SIAH1: variants seen among roughly 807,000 people sequenced by gnomAD.
SIAH1 encodes the protein E3 ubiquitin-protein ligase SIAH1.
In SIAH1, 2 loss-of-function variants were observed where a neutral mutation model predicts 20.0. The ratio of observed to expected loss-of-function variants is 0.10; its 90% CI spans 0.04 to 0.31. The LOEUF (loss-of-function observed/expected upper bound fraction) is 0.31. Among genes scored for constraint, SIAH1 ranks in the 10% least tolerant of loss-of-function variants. SIAH1 has a pLI of 1.00. For synonymous variants in SIAH1, 118 were observed against 125.3 expected (o/e 0.94, Z 0.39); for missense variants, 119 against 355.3 (o/e 0.33, Z 5.35).
chr16:48,368,240 G>T (rs1960891414), intron 1 of SIAH1, among the ~76,000 whole-genome samples: 1 of 152,174 alleles, frequency 6.6e-6, no homozygotes, highest in Non-Finnish European at 1.5e-5. Flanking sequence ...TCAGACCAAT[G>T]AATCAGTTAC....
chr16:48,384,037 G>A (rs915882678), intron 1 of SIAH1, among the ~76,000 whole-genome samples: 1 of 152,200 alleles, frequency 6.6e-6, no homozygotes, highest in African/African-American at 2.4e-5. Flanking sequence ...TAAGGAAAGC[G>A]AAGCACAGAG....
intron 1 of SIAH1, among the ~76,000 whole-genome samples, chr16:48,374,751 A>G (rs1567374074): frequency 6.6e-6 from 1 of 152,182 alleles, no homozygotes; most frequent in Non-Finnish European, 1.5e-5. Flanking sequence ...AAAAGATATT[A>G]CCTACAAAAA....
At chr16:48,364,169 T>A (rs1031640564) in intron 1 of SIAH1, among the ~76,000 whole-genome samples, 1 of 151,984 alleles carries the variant, frequency 6.6e-6, no homozygotes, top group African/African-American at 2.4e-5. Context: ...CTCGAACTCC[T>A]GACCTCGTGA....
At chr16:48,374,196 A>G (rs1744230659) in intron 1 of SIAH1, among the ~76,000 whole-genome samples, 1 of 152,312 alleles carries the variant, frequency 6.6e-6, no homozygotes, top group South Asian at 2.1e-4. Flanking sequence ...ACTGTCCTCA[A>G]TTGGAAGGTA....
intron 1 of SIAH1, among the ~76,000 whole-genome samples, chr16:48,384,473 T>C (rs1354431807): frequency 1.3e-5 from 2 of 152,086 alleles, no homozygotes; most frequent in Non-Finnish European, 1.5e-5. Context: ...ACCCGGCAAA[T>C]GAACCCTAGG....
Position 48,365,384 on chromosome 16 carries a change from T to C in SIAH1, c.-2-2954A>G. ...CAGCAAACCATCCTCTTAATGTCAA[T>C]ACCTTTTCTCTTCCTTGTCCTGGCC... On this transcript the variant is annotated intron_variant, in intron 1 of 1. Coordinates refer to ENST00000394725, the MANE Select transcript of SIAH1 (RefSeq NM_003031.4). The C allele has an allele frequency of 6.2e-7, 1 of 1,613,936 alleles. No individual in the cohort carries two copies. The highest frequency in any genetic ancestry group is 8.5e-7 in the Non-Finnish European group (1 of 1,179,988).
intron 1 of SIAH1, among the ~76,000 whole-genome samples, chr16:48,382,573 C>A (rs1269432308): frequency 6.6e-6 from 1 of 151,998 alleles, no homozygotes; most frequent in African/African-American, 2.4e-5. Flanking sequence ...CATTAGACAT[C>A]CTGCTATTTT....
At chr16:48,372,811 A>G (rs761794373) in intron 1 of SIAH1, among the ~76,000 whole-genome samples, 1 of 152,244 alleles carries the variant, frequency 6.6e-6, no homozygotes, top group African/African-American at 2.4e-5. Context: ...CCATAAGTGC[A>G]GTTTTAAGAC....
intron 1 of SIAH1, among the ~76,000 whole-genome samples, chr16:48,382,965 A>G (rs1458697612): frequency 6.6e-6 from 1 of 152,230 alleles, no homozygotes; most frequent in Non-Finnish European, 1.5e-5. Context: ...TAATTCCTTC[A>G]TAACTCCAAT....
intron 1 of SIAH1, among the ~76,000 whole-genome samples, chr16:48,375,847 G>A (rs1425353179): frequency 3.3e-5 from 5 of 152,202 alleles, no homozygotes; most frequent in South Asian, 4.1e-4. Flanking sequence ...GCAGAATGTA[G>A]TTTAATGGTT....
intron 1 of SIAH1, among the ~76,000 whole-genome samples, chr16:48,379,585 CA>C (rs1961209582): frequency 6.6e-6 from 1 of 152,160 alleles, no homozygotes; most frequent in Non-Finnish European, 1.5e-5. Flanking sequence ...TACTGAGCAC[CA>C]CCTATGTTCC....
chr16:48,375,733 G>C (rs185519847), intron 1 of SIAH1, among the ~76,000 whole-genome samples: 2 of 152,252 alleles, frequency 1.3e-5, no homozygotes, highest in Admixed American at 6.5e-5. Flanking sequence ...GAAAAAAATA[G>C]GTAAGTATAA....
intron 1 of SIAH1, among the ~76,000 whole-genome samples, chr16:48,383,659 A>C (rs1216346640): frequency 6.6e-6 from 1 of 152,190 alleles, no homozygotes; most frequent in Non-Finnish European, 1.5e-5. Flanking sequence ...GATTTTTTTT[A>C]ATCACAAAGA....
chr16:48,379,279 A>G (rs904568104), intron 1 of SIAH1, among the ~76,000 whole-genome samples: 2 of 152,174 alleles, frequency 1.3e-5, no homozygotes, highest in African/African-American at 2.4e-5. Context: ...AATATACTTA[A>G]TAACTGTTCA....
chr16:48,365,124 C>T, intron 1 of SIAH1: 1 of 414,926 alleles, frequency 2.4e-6, no homozygotes, highest in Non-Finnish European at 4.4e-6. Context: ...AAGGGTGGAA[C>T]CCAGCTCCAT....
intron 1 of SIAH1, among the ~76,000 whole-genome samples, chr16:48,384,584 T>C (rs1215117648): frequency 6.6e-6 from 1 of 152,052 alleles, no homozygotes; most frequent in Non-Finnish European, 1.5e-5. Flanking sequence ...TTCTTCCCAC[T>C]GCACAATGAA....
At position 48,385,355 on chromosome 16, in the gene SIAH1, G is replaced by A. The variant is rs942759830; in HGVS notation, c.-154C>T. The A allele has an allele frequency of 1.9e-5, 3 of 156,652 alleles. No homozygotes were observed. The highest frequency in any genetic ancestry group is 1.6e-4 in the South Asian group (1 of 6,364). 9.7% of individuals were successfully genotyped at this position (156,652 alleles called of 1,614,324 possible). Reference sequence around the variant, plus strand: ...CCGCCGCCTCTCGAGAGCGCGCCCCGCAACGGCCGCCCCGGCTCCCCCCTG... The same window carrying A: ...CCGCCGCCTCTCGAGAGCGCGCCCCACAACGGCCGCCCCGGCTCCCCCCTG... On this transcript the variant is annotated 5_prime_UTR_variant, in exon 1 of 2. Coordinates refer to ENST00000394725, the MANE Select transcript of SIAH1 (RefSeq NM_003031.4).
rs1171279195 is a variant in SIAH1, at chr16:48,361,525, A to C, written c.*55T>G. On this transcript the variant is annotated 3_prime_UTR_variant, in exon 2 of 2. Coordinates refer to ENST00000394725, the MANE Select transcript of SIAH1 (RefSeq NM_003031.4). ...AGGTTGGCAGACAGATGGGTGCCTT[A>C]TTTTCTGTGAAACTGAAGTTTTAAA... is the stretch of plus-strand genomic sequence containing the variant. 6.3e-7 allele frequency: 1 copy of C among 1,582,988 alleles called. No homozygotes were observed. Among genetic ancestry groups the C allele is most frequent in the East Asian group, 2.2e-5 (1 of 44,476 alleles).
At chr16:48,368,130 T>C (rs1338699724) in intron 1 of SIAH1, among the ~76,000 whole-genome samples, 1 of 152,132 alleles carries the variant, frequency 6.6e-6, no homozygotes, top group Non-Finnish European at 1.5e-5. Context: ...AATGGAGAAA[T>C]GTAGTCAGAT....
Sources: allele counts gnomAD v4.1 joint callset (sites outside exome capture counted in the v4.1 genomes callset), GRCh38; gene constraint gnomAD v4.1.1; transcripts MANE v1.5; gene names NCBI Gene and HGNC (gene_info 2026-07-23, HGNC 2026-07-21).